Variants in DLGAP2 observed in about 807,000 individuals in gnomAD.
DLGAP2 encodes the protein disks large-associated protein 2.
In DLGAP2, 26 loss-of-function variants were observed where a neutral mutation model predicts 100.3. The ratio of observed to expected loss-of-function variants is 0.26; its 90% CI spans 0.19 to 0.36. The LOEUF is 0.36. Among genes scored for constraint, DLGAP2 ranks in the 10% least tolerant of loss-of-function variants. The probability of loss-of-function intolerance (pLI) is 1.00; values close to 1 mark genes in which losing one functional copy is unlikely to be tolerated. For synonymous variants in DLGAP2, 886 were observed against 630.1 expected, an observed-to-expected ratio of 1.41 and a Z score of -6.08; for missense variants, 1,858 against 1,453.2, an observed-to-expected ratio of 1.28 and a Z score of -4.53.
intron 2 of DLGAP2, among the ~76,000 whole-genome samples, chr8:1,154,789 C>T (rs1054984873): frequency 9.2e-5 from 14 of 152,122 alleles, no homozygotes; most frequent in African/African-American, 3.4e-4. Context: ...CCGTCCATCC[C>T]GCCCTAAAAT....
At chr8:1,486,294 C>G (rs530225233) in intron 3 of DLGAP2, among the ~76,000 whole-genome samples, 2 of 152,180 alleles carry the variant, frequency 1.3e-5, no homozygotes, top group Admixed American at 1.3e-4. Context: ...GTGCAGTCTG[C>G]GTGTTCAAAG....
At chr8:1,134,315 G>C (rs1796358019) in intron 2 of DLGAP2, among the ~76,000 whole-genome samples, 1 of 152,148 alleles carries the variant, frequency 6.6e-6, no homozygotes, top group Non-Finnish European at 1.5e-5. Flanking sequence ...TGTCTTAGTG[G>C]TAGAACGATG....
chr8:777,336 T>C (rs1348395753), intron 1 of DLGAP2, among the ~76,000 whole-genome samples: 2 of 152,094 alleles, frequency 1.3e-5, no homozygotes, highest in Admixed American at 6.5e-5. Context: ...AATTGGAGCA[T>C]TTAGTCCATT....
At chr8:1,661,883 A>G (rs1049441768) in intron 8 of DLGAP2, among the ~76,000 whole-genome samples, 5 of 152,206 alleles carry the variant, frequency 3.3e-5, no homozygotes, top group Non-Finnish European at 5.9e-5. Flanking sequence ...CACTCAGCTG[A>G]AACAGAGAGC....
At chr8:1,434,872 T>C (rs1402063772) in intron 3 of DLGAP2, among the ~76,000 whole-genome samples, 1 of 152,098 alleles carries the variant, frequency 6.6e-6, no homozygotes, top group African/African-American at 2.4e-5. Flanking sequence ...CCCTCCCTCC[T>C]CCATGGTATC....
chr8:1,536,637 G>A (rs949592248), intron 4 of DLGAP2, among the ~76,000 whole-genome samples: 2 of 152,062 alleles, frequency 1.3e-5, no homozygotes, highest in African/African-American at 2.4e-5. Context: ...GGGCTCTCTA[G>A]AGAAAGATGT....
rs1563270981 is a variant in DLGAP2 at position 1,236,320 on chromosome 8, GTC to G, written c.74-22529_74-22528del. On this transcript the variant is annotated intron_variant, in intron 2 of 14. Transcript: ENST00000637795. Reference sequence around the variant, plus strand: ...GTCTAGTTCTCTCACATGGCGCCGTGTCTGGTTCTCTCACATGGCGCCGTGTC... The same window carrying G: ...GTCTAGTTCTCTCACATGGCGCCGTGTGGTTCTCTCACATGGCGCCGTGTC... 3.3e-4 allele frequency among the ~76,000 whole-genome samples: 19 copies of G among 56,774 alleles called. 2 individuals are homozygous for G. The highest frequency in any genetic ancestry group is 1.5e-3 in the African/African-American group (19 of 12,972). 37.2% of individuals were successfully genotyped at this position (56,774 alleles called of 152,430 possible). A position where few individuals can be genotyped will look rare whatever the true frequency, so the allele number is the denominator to read the frequency against.
intron 2 of DLGAP2, among the ~76,000 whole-genome samples, chr8:1,096,341 A>G (rs980549416): frequency 3.9e-5 from 6 of 152,368 alleles, no homozygotes; most frequent in Admixed American, 2.6e-4. Flanking sequence ...TCAGGGCACC[A>G]GCATTTAAAT....
chr8:1,548,607 C>G lies in DLGAP2; in HGVS notation c.173-19C>G, dbSNP rs779088209. The stretch of plus-strand genomic sequence containing the variant: ...CGCCGCGCTTCCGGGTGTTCAATGC[C>G]GTTTCTGTTTCCCCACAGACCCGCA... On this transcript the variant is annotated intron_variant, in intron 4 of 14. Coordinates refer to ENST00000637795, the MANE Select transcript of DLGAP2 (RefSeq NM_001346810.2). 1.8e-5 allele frequency: 27 copies of G among 1,475,616 alleles called. No homozygotes were observed. The highest frequency in any genetic ancestry group is 2.3e-5 in the Admixed American group (1 of 42,736). 91.4% of individuals were successfully genotyped at this position (1,475,616 alleles called of 1,614,324 possible).
At chr8:1,392,703 A>T (rs13272685) in intron 3 of DLGAP2, among the ~76,000 whole-genome samples, 41,419 of 152,062 alleles carry the variant, frequency 0.27, 5,759 homozygotes, top group Middle Eastern at 0.35. Flanking sequence ...GGGTCAGCAC[A>T]TCTGCGTTTC....
At chr8:1,693,300 A>G (rs1393361197) in intron 13 of DLGAP2, among the ~76,000 whole-genome samples, 1 of 149,550 alleles carries the variant, frequency 6.7e-6, no homozygotes, top group South Asian at 2.1e-4. Context: ...ACATGCATAC[A>G]TATACATTCT....
chr8:1,322,335 A>G (rs1325302028), intron 3 of DLGAP2, among the ~76,000 whole-genome samples: 1 of 152,240 alleles, frequency 6.6e-6, no homozygotes, highest in Non-Finnish European at 1.5e-5. Flanking sequence ...ATTCTTTACC[A>G]CAATAAATAC....
chr8:1,685,981 A>T (rs1390171624), intron 12 of DLGAP2, among the ~76,000 whole-genome samples: 2 of 152,228 alleles, frequency 1.3e-5, no homozygotes, highest in African/African-American at 4.8e-5. Context: ...GCTGGTTGGA[A>T]TATGAAGTAG....
Position 1,127,082 on chromosome 8 carries a change from C to T in DLGAP2, c.74-131769C>T, listed in dbSNP as rs186882531. On this transcript the variant is annotated intron_variant, in intron 2 of 14. Transcript: ENST00000637795. ...TGTGTTCCTGGAGCTCATGAGGGAC[C>T]CCCACCCTGTCCCAGCACAGCTCTT... 2.0e-3 allele frequency among the ~76,000 whole-genome samples: 286 copies of T among 146,650 alleles called. 1 individual carries two copies. The highest frequency in any genetic ancestry group is 6.0e-3 in the African/African-American group (239 of 40,046).
chr8:1,329,133 A>C (rs1465245587), intron 3 of DLGAP2, among the ~76,000 whole-genome samples: 1 of 152,254 alleles, frequency 6.6e-6, no homozygotes, highest in African/African-American at 2.4e-5. Flanking sequence ...GACAGATTCA[A>C]ATGTATGCAC....
intron 3 of DLGAP2, among the ~76,000 whole-genome samples, chr8:1,436,972 C>G (rs1024620793): frequency 6.6e-6 from 1 of 152,254 alleles, no homozygotes; most frequent in African/African-American, 2.4e-5. Context: ...AGCCTGGGAG[C>G]AGGAGGCCTA....
intron 3 of DLGAP2, among the ~76,000 whole-genome samples, chr8:1,429,260 T>C (rs1309728782): frequency 1.3e-5 from 2 of 152,134 alleles, no homozygotes; most frequent in Non-Finnish European, 2.9e-5. Flanking sequence ...TGGTTTCTGA[T>C]TGGTAAGGGC....
intron 1 of DLGAP2, among the ~76,000 whole-genome samples, chr8:873,692 T>A (rs577563830): frequency 6.6e-6 from 1 of 152,304 alleles, no homozygotes; most frequent in South Asian, 2.1e-4. Context: ...CCTGATAAAA[T>A]GAATTAGGAA....
chr8:1,655,748 G>A (rs1336896382), intron 8 of DLGAP2, among the ~76,000 whole-genome samples: 1 of 152,218 alleles, frequency 6.6e-6, no homozygotes, highest in Non-Finnish European at 1.5e-5. Context: ...CACGAGGTTG[G>A]CTAACCCAAC....
Sources: gnomAD v4.1 joint callset for allele counts (sites outside exome capture counted in the v4.1 genomes callset) on GRCh38, gnomAD v4.1.1 for gene constraint, MANE v1.5 for transcripts, NCBI Gene and HGNC (gene_info 2026-07-23, HGNC 2026-07-21) for gene names.